Variants in NAA35 observed in about 807,000 individuals in gnomAD.
The protein encoded by NAA35 is N-alpha-acetyltransferase 35, NatC auxiliary subunit.
A neutral mutation model predicts 101.7 loss-of-function variants in NAA35; 18 were observed. That is an observed-to-expected ratio of 0.18 (90% CI 0.12 to 0.26). NAA35 has a LOEUF of 0.26. NAA35 is among the 10% of genes least tolerant of loss of function. The probability of loss-of-function intolerance (pLI) is 1.00; values close to 1 mark genes in which losing one functional copy is unlikely to be tolerated. For missense variants in NAA35, 601 were observed against 886.8 expected, an observed-to-expected ratio of 0.68 and a Z score of 4.09; for synonymous variants, 267 against 273.1, an observed-to-expected ratio of 0.98 and a Z score of 0.22.
intron 11 of NAA35, among the ~76,000 whole-genome samples, chr9:85,981,139 A>G (rs1830420944): frequency 6.6e-6 from 1 of 152,114 alleles, no homozygotes; most frequent in Non-Finnish European, 1.5e-5. Flanking sequence ...TGTATTTATC[A>G]TCATTTTCAC....
intron 12 of NAA35, 45 bp from the exon 13 acceptor site, chr9:86,003,540 A>T: frequency 8.4e-7 from 1 of 1,187,856 alleles, no homozygotes; most frequent in Non-Finnish European, 1.2e-6. Flanking sequence ...TTTAGCTTTT[A>T]TTTAATCTAT....
chr9:85,941,590 C>T (rs2118220763), intron 1 of NAA35: 2 of 985,984 alleles, frequency 2.0e-6, no homozygotes. Context: ...GGAAGGGAAG[C>T]GTGTGCCCGC....
At chr9:85,954,904 GT>G (rs1402188982) in intron 2 of NAA35, among the ~76,000 whole-genome samples, 2 of 152,084 alleles carry the variant, frequency 1.3e-5, no homozygotes, top group African/African-American at 4.8e-5. Flanking sequence ...GTTCTGCTAT[GT>G]TTTGTTGTTT....
rs1313404692 is a variant in NAA35 at position 86,022,779 on chromosome 9, C to G, written c.*819C>G. On this transcript the variant is annotated 3_prime_UTR_variant, in exon 23 of 23. Transcript: ENST00000361671. ...GAAAAACTGACTACATCCCCCTGTG[C>G]TTGCAAGTGCCTGCTGCCAGAGGCC... Among the ~76,000 whole-genome samples, 1 of 152,188 alleles carries G rather than the reference C, an allele frequency of 6.6e-6. No individual in the cohort carries two copies. The highest frequency in any genetic ancestry group is 2.4e-5 in the African/African-American group (1 of 41,464).
In NAA35 at chr9:85,967,053, C is replaced by T. The variant is rs566150957; in HGVS notation, c.516+4873C>T. 2.0e-5 allele frequency among the ~76,000 whole-genome samples: 3 copies of T among 152,004 alleles called. 1 individual carries two copies. Among genetic ancestry groups the T allele is most frequent in the African/African-American group, 7.2e-5 (3 of 41,504 alleles). On this transcript the variant is annotated intron_variant, in intron 6 of 22. Coordinates refer to ENST00000361671, the MANE Select transcript of NAA35 (RefSeq NM_024635.4). Reference sequence around the variant, plus strand: ...ACCCGGGAGGCTGAGGTGGGAGAATCGCTTGAACTCAGGAGGCGGAGCTTG... The same window carrying T: ...ACCCGGGAGGCTGAGGTGGGAGAATTGCTTGAACTCAGGAGGCGGAGCTTG...
intron 15 of NAA35, 49 bp downstream of exon 15, chr9:86,009,980 G>A (rs753012466): frequency 1.1e-5 from 16 of 1,487,256 alleles, no homozygotes; most frequent in East Asian, 4.5e-5. Context: ...AAAAATCATG[G>A]GCTGTGGCCG....
At chr9:85,979,344 G>A (rs1830340791) in intron 11 of NAA35, among the ~76,000 whole-genome samples, 1 of 152,132 alleles carries the variant, frequency 6.6e-6, no homozygotes, top group Admixed American at 6.6e-5. Context: ...CAAAGGCAGA[G>A]GAGAACAAAG....
chr9:85,967,019 A>G (rs1829771650), intron 6 of NAA35, among the ~76,000 whole-genome samples: 1 of 151,692 alleles, frequency 6.6e-6, no homozygotes, highest in Non-Finnish European at 1.5e-5. Context: ...AGGTGGGAGA[A>G]TCGCTTGAAC....
At chr9:85,986,204 A>C (rs1182681007) in intron 11 of NAA35, among the ~76,000 whole-genome samples, 1 of 152,242 alleles carries the variant, frequency 6.6e-6, no homozygotes, top group Non-Finnish European at 1.5e-5. Flanking sequence ...ATTAAGCCTT[A>C]TGAGACAATT....
intron 12 of NAA35, among the ~76,000 whole-genome samples, chr9:86,002,519 A>G (rs1008114687): frequency 3.3e-5 from 5 of 152,262 alleles, no homozygotes; most frequent in Admixed American, 1.3e-4. Flanking sequence ...GCTTGTTTCC[A>G]TAATCCCATA....
intron 6 of NAA35, among the ~76,000 whole-genome samples, chr9:85,974,284 T>C (rs1027334653): frequency 6.6e-6 from 1 of 152,092 alleles, no homozygotes; most frequent in Non-Finnish European, 1.5e-5. Flanking sequence ...ATAGGAATTA[T>C]AGTAGGCAGA....
Position 85,962,142 on chromosome 9 carries a change from G to T in NAA35, c.478G>T (p.Ala160Ser), listed in dbSNP as rs374901096. The T allele has an allele frequency of 6.2e-7, 1 of 1,613,822 alleles. No individual in the cohort carries two copies. The highest frequency in any genetic ancestry group is 1.3e-5 in the African/African-American group (1 of 74,890). Residue 160 changes from alanine (A) to serine (S), a missense_variant, in exon 6 of 23, where the codon GCA (alanine) becomes TCA (serine). Coordinates refer to ENST00000361671, the MANE Select transcript of NAA35 (RefSeq NM_024635.4). ...GGGAATCTTGAAAATCTGTGACATT[G>T]CAAGGGAAAAAGTAAATAAAGCTGC... Reference protein sequence around the residue: ...ALGILKICDIAREKVNKAAVF... With the variant: ...ALGILKICDISREKVNKAAVF...
Position 86,018,739 on chromosome 9 carries a change from C to T in NAA35, c.1955C>T (p.Ser652Phe), listed in dbSNP as rs1471752424. The T allele has an allele frequency of 1.2e-6, 2 of 1,614,092 alleles. No individual in the cohort carries two copies. The highest frequency in any genetic ancestry group is 1.7e-6 in the Non-Finnish European group (2 of 1,179,972). ...AATAAATATAGCCCTCCTCCTCAGT[C>T]TCCTGAACTGTATGTGGCAGCTAGT... ...DLNKYSPPPQ[S>F]PELYVAASKH... The change falls in exon 21 of 23, where the codon TCT becomes TTT. Residue 652 changes from serine (S) to phenylalanine (F), a missense_variant. Ser to Phe is a radical substitution (Grantham distance 155). This residue lies in a region of NAA35 where 90 missense variants were observed against 108.7 expected (regional missense o/e 0.83). Coordinates refer to ENST00000361671, the MANE Select transcript of NAA35 (RefSeq NM_024635.4).
rs76086176 is a variant in NAA35 at position 85,942,920 on chromosome 9, C to A, written c.124+637C>A. On this transcript the variant is annotated intron_variant, in intron 2 of 22. Coordinates refer to ENST00000361671, the MANE Select transcript of NAA35 (RefSeq NM_024635.4). ...AACCTCCCTGGTGAGGACCTCAAAA[C>A]AACCACTCATTCTCTCCTCTGCAAT... Among the ~76,000 whole-genome samples the A allele has an allele frequency of 1.2e-3, 177 of 152,346 alleles. 4 individuals are homozygous for A. In the East Asian group the frequency reaches 0.026, roughly 22 times the overall value.
chr9:85,998,205 T>C (rs974766222), intron 12 of NAA35, among the ~76,000 whole-genome samples: 1 of 152,198 alleles, frequency 6.6e-6, no homozygotes, highest in Non-Finnish European at 1.5e-5. Context: ...TGAGCCACTG[T>C]GCCCGGCCTT....
At chr9:85,980,119 G>A (rs1830372556) in intron 11 of NAA35, among the ~76,000 whole-genome samples, 1 of 152,206 alleles carries the variant, frequency 6.6e-6, no homozygotes, top group Non-Finnish European at 1.5e-5. Flanking sequence ...AGGATGTGAA[G>A]GATACAGATG....
chr9:85,960,211 G>A (rs1450849077), intron 5 of NAA35, among the ~76,000 whole-genome samples: 2 of 152,184 alleles, frequency 1.3e-5, no homozygotes, highest in Non-Finnish European at 2.9e-5. Flanking sequence ...GAGCTATTAT[G>A]CAATGGCTTT....
intron 6 of NAA35, among the ~76,000 whole-genome samples, chr9:85,973,345 A>G (rs1830074189): frequency 6.6e-6 from 1 of 152,228 alleles, no homozygotes; most frequent in Non-Finnish European, 1.5e-5. Context: ...TTATTTTCAG[A>G]CAATCCTTCT....
chr9:85,975,094 CTTA>C lies in NAA35; in HGVS notation c.584-17_584-15del. On this transcript the variant is annotated splice_polypyrimidine_tract_variant and intron_variant, in intron 7 of 22. Coordinates refer to ENST00000361671, the MANE Select transcript of NAA35 (RefSeq NM_024635.4). ...CATTTTCATATGTTTCCTTTTAAAA[CTTA>C]TTGTTTCTTTTTCTAGGCATGCTAA... 4 of 1,612,806 alleles carry C rather than the reference CTTA, an allele frequency of 2.5e-6. No homozygotes were observed. The highest frequency in any genetic ancestry group is 3.4e-6 in the Non-Finnish European group (4 of 1,179,394).
Sources: allele counts gnomAD v4.1 joint callset (sites outside exome capture counted in the v4.1 genomes callset), GRCh38; gene constraint gnomAD v4.1.1; regional missense constraint gnomAD v4.1.1; transcripts MANE v1.5; gene names NCBI Gene and HGNC (gene_info 2026-07-23, HGNC 2026-07-21).